Variants in TTC9 observed in about 807,000 individuals in gnomAD.
The protein encoded by TTC9 is tetratricopeptide repeat domain 9, also known as tetratricopeptide repeat protein 9A.
A neutral mutation model predicts 22.9 loss-of-function variants in TTC9; 13 were observed. That is an observed-to-expected ratio of 0.57 (90% CI 0.37 to 0.90). The LOEUF is 0.90. Among genes scored for constraint, TTC9 ranks in the 40% least tolerant of loss-of-function variants. TTC9 has a pLI of 0.01. For synonymous variants in TTC9, 148 were observed against 133.2 expected (o/e 1.11, Z -0.77); for missense variants, 280 against 291.8 (o/e 0.96, Z 0.29).
intron 1 of TTC9, among the ~76,000 whole-genome samples, chr14:70,647,949 A>G (rs1288329937): frequency 1.3e-5 from 2 of 152,124 alleles, no homozygotes. Flanking sequence ...TTGGATACAG[A>G]CTCTAAGGCA....
intron 1 of TTC9, 39 bp downstream of exon 1, chr14:70,642,574 C>T: frequency 1.3e-6 from 2 of 1,510,780 alleles, no homozygotes; most frequent in Non-Finnish European, 1.8e-6. Context: ...GGTCCCCGTT[C>T]TTCGGCCCGG....
chr14:70,649,060 A>G lies in TTC9; in HGVS notation c.406+6525A>G, dbSNP rs541160119. ...GGATTTGGATATGACCCCAAACCCTATATAGGTACATGGATTCACCTGTCA... is the reference window on the plus strand; with the variant it reads ...GGATTTGGATATGACCCCAAACCCTGTATAGGTACATGGATTCACCTGTCA... On this transcript the variant is annotated intron_variant, in intron 1 of 2. Coordinates refer to ENST00000256367, the MANE Select transcript of TTC9 (RefSeq NM_015351.2). 3.0e-4 allele frequency among the ~76,000 whole-genome samples: 45 copies of G among 152,290 alleles called. No individual in the cohort carries two copies. In the South Asian group the frequency reaches 9.1e-3, roughly 31 times the overall value.
At chr14:70,660,235 G>A (rs758965832) in intron 1 of TTC9, among the ~76,000 whole-genome samples, 9 of 152,192 alleles carry the variant, frequency 5.9e-5, no homozygotes, top group South Asian at 2.1e-4. Context: ...AGTTGACAGC[G>A]TAACAGAGAA....
intron 1 of TTC9, among the ~76,000 whole-genome samples, chr14:70,658,821 A>G (rs1886101755): frequency 6.6e-6 from 1 of 152,234 alleles, no homozygotes; most frequent in Admixed American, 6.5e-5. Context: ...CTTTCAGCAG[A>G]TGAATGGGTA....
At chr14:70,655,255 GCA>G (rs1192637216) in intron 1 of TTC9, among the ~76,000 whole-genome samples, 41 of 152,140 alleles carry the variant, frequency 2.7e-4, no homozygotes, top group Non-Finnish European at 5.6e-4. Flanking sequence ...TTAGCCAGGC[GCA>G]GTGGCGTGCA....
At chr14:70,655,160 G>T (rs914168626) in intron 1 of TTC9, among the ~76,000 whole-genome samples, 2 of 152,218 alleles carry the variant, frequency 1.3e-5, no homozygotes, top group African/African-American at 4.8e-5. Flanking sequence ...TTGGGAGGCC[G>T]AGGTGGGTGG....
At chr14:70,652,955 G>C (rs11626181) in intron 1 of TTC9, among the ~76,000 whole-genome samples, 45,702 of 152,098 alleles carry the variant, frequency 0.3, 7,445 homozygotes, top group East Asian at 0.54. Context: ...AAACCTGAGG[G>C]GTAATGTGGC....
chr14:70,658,834 C>G (rs758386966), intron 1 of TTC9, among the ~76,000 whole-genome samples: 4 of 152,116 alleles, frequency 2.6e-5, no homozygotes, highest in Non-Finnish European at 4.4e-5. Flanking sequence ...AATGGGTAAA[C>G]AAACTGTAGT....
At chr14:70,647,090 TTTAA>T (rs748089865) in intron 1 of TTC9, among the ~76,000 whole-genome samples, 1 of 152,238 alleles carries the variant, frequency 6.6e-6, no homozygotes, top group East Asian at 1.9e-4. Flanking sequence ...AATTTTAAAA[TTTAA>T]TTATTAGCAT....
chr14:70,670,827 C>T (rs561455412), intron 2 of TTC9, among the ~76,000 whole-genome samples: 3 of 152,172 alleles, frequency 2.0e-5, no homozygotes, highest in African/African-American at 7.2e-5. Flanking sequence ...GAAATTCTCT[C>T]TCCTCTCCCA....
intron 1 of TTC9, among the ~76,000 whole-genome samples, chr14:70,651,126 G>A (rs1476878782): frequency 4.6e-5 from 7 of 152,238 alleles, no homozygotes; most frequent in South Asian, 2.1e-4. Flanking sequence ...GATTACCAGC[G>A]TGCGCCACCA....
At chr14:70,656,738 A>G (rs1886072852) in intron 1 of TTC9, among the ~76,000 whole-genome samples, 1 of 152,238 alleles carries the variant, frequency 6.6e-6, no homozygotes, top group Non-Finnish European at 1.5e-5. Flanking sequence ...GGAAAAGATA[A>G]TATGGGGCGA....
chr14:70,647,179 A>G (rs552422993), intron 1 of TTC9, among the ~76,000 whole-genome samples: 30 of 152,354 alleles, frequency 2.0e-4, no homozygotes, highest in African/African-American at 7.2e-4. Flanking sequence ...TATATGAGGA[A>G]TTATAAAAAT....
intron 1 of TTC9, among the ~76,000 whole-genome samples, chr14:70,645,983 A>G (rs569736053): frequency 3.3e-5 from 5 of 152,310 alleles, no homozygotes; most frequent in Non-Finnish European, 1.5e-5. Flanking sequence ...TGTACTCCAC[A>G]TGGAAGCCTC....
intron 1 of TTC9, among the ~76,000 whole-genome samples, chr14:70,650,694 C>T (rs930863622): frequency 6.6e-6 from 1 of 152,202 alleles, no homozygotes; most frequent in Non-Finnish European, 1.5e-5. Flanking sequence ...AAGAAAAATT[C>T]TCCACATCAT....
intron 1 of TTC9, among the ~76,000 whole-genome samples, chr14:70,644,100 G>C (rs1453606983): frequency 2.0e-5 from 3 of 152,186 alleles, no homozygotes; most frequent in Non-Finnish European, 4.4e-5. Context: ...TTGCTAATGC[G>C]GTGACTTTGG....
At chr14:70,660,346 A>T (rs757391338) in intron 1 of TTC9, among the ~76,000 whole-genome samples, 16 of 152,388 alleles carry the variant, frequency 1.0e-4, no homozygotes, top group Admixed American at 3.3e-4. Flanking sequence ...TTTAGATAGA[A>T]AATCTACTTT....
At chr14:70,651,508 A>C (rs1159313963) in intron 1 of TTC9, among the ~76,000 whole-genome samples, 4 of 151,206 alleles carry the variant, frequency 2.6e-5, no homozygotes, top group Non-Finnish European at 4.4e-5. Context: ...TTATCCCACA[A>C]AAAAAAAAGT....
intron 1 of TTC9, among the ~76,000 whole-genome samples, chr14:70,666,107 G>A (rs927523484): frequency 1.3e-5 from 2 of 151,976 alleles, no homozygotes; most frequent in Non-Finnish European, 2.9e-5. Flanking sequence ...AAATGGAGGC[G>A]AGGTGGCTCA....
Sources: allele counts gnomAD v4.1 joint callset (sites outside exome capture counted in the v4.1 genomes callset), GRCh38; gene constraint gnomAD v4.1.1; transcripts MANE v1.5; gene names NCBI Gene and HGNC (gene_info 2026-07-23, HGNC 2026-07-21).